Variants in EFTUD2 observed in about 807,000 individuals in gnomAD.
The protein encoded by EFTUD2 is 116 kDa U5 small nuclear ribonucleoprotein component.
EFTUD2 carries 9 observed loss-of-function variants against 114.3 expected under a neutral mutation model. The observed-to-expected ratio is 0.08, with a 90% CI of 0.05 to 0.14. The LOEUF (loss-of-function observed/expected upper bound fraction) is 0.14. EFTUD2 is among the 10% of genes least tolerant of loss of function. The probability of loss-of-function intolerance (pLI) is 1.00; values close to 1 mark genes in which losing one functional copy is unlikely to be tolerated. For missense variants in EFTUD2, 765 were observed against 1,241.2 expected, an observed-to-expected ratio of 0.62 and a Z score of 5.76; for synonymous variants, 449 against 462.3, an observed-to-expected ratio of 0.97 and a Z score of 0.37.
Position 44,852,293 on chromosome 17 carries a change from A to T in EFTUD2, c.2715+116T>A. Reference sequence around the variant, plus strand: ...CTGAATATATGCTCCCCAGAGGAGGACTCTTCTCCAGGATGCTGTACACCT... The same window carrying T: ...CTGAATATATGCTCCCCAGAGGAGGTCTCTTCTCCAGGATGCTGTACACCT... On this transcript the variant is annotated intron_variant, in intron 26 of 27. Transcript: ENST00000426333. The T allele has an allele frequency of 7.7e-6, 10 of 1,294,224 alleles. No homozygotes were observed. The South Asian group carries it at 1.5e-4, about 19-fold the overall frequency. The allele number at this position is 1,294,224 out of a possible 1,614,324, so 80.2% of individuals were successfully genotyped here.
chr17:44,885,516 G>A (rs1369392573), intron 3 of EFTUD2, among the ~76,000 whole-genome samples, 182 bp from the exon 4 acceptor site: 1 of 151,756 alleles, frequency 6.6e-6, no homozygotes, highest in Non-Finnish European at 1.5e-5. Flanking sequence ...GACAGTGAAG[G>A]ACCTTGAATT....
intron 11 of EFTUD2, 107 bp downstream of exon 11, chr17:44,872,339 T>A (rs2050870163): frequency 1.4e-6 from 2 of 1,444,188 alleles, no homozygotes; most frequent in Admixed American, 3.6e-5. Flanking sequence ...TGATAAAATG[T>A]TCCCCCAGCA....
chr17:44,886,607 C>T lies in EFTUD2; in HGVS notation c.249G>A (p.Glu83=). Residue 83 remains glutamate (E), a synonymous_variant, in exon 3 of 28, where the codon GAG becomes GAA. Transcript: ENST00000426333. The part of the protein sequence containing the change: ...YGPEVETIVQ[E]EDTQPLTEPI... ...TACCTGTGAGAGGCTGAGTGTCTTC[C>T]TCTTGAACTATGGTCTCCACCTCAG... 3 of 1,614,160 alleles carry T rather than the reference C, an allele frequency of 1.9e-6. No individual in the cohort carries two copies. Among genetic ancestry groups the T allele is most frequent in the Non-Finnish European group, 2.5e-6 (3 of 1,180,026 alleles).
chr17:44,871,587 C>T (rs1274839335), intron 11 of EFTUD2, among the ~76,000 whole-genome samples: 3 of 152,140 alleles, frequency 2.0e-5, no homozygotes, highest in Non-Finnish European at 4.4e-5. Context: ...GATCTGCCTG[C>T]CTCAGCCTCC....
In EFTUD2 at chr17:44,850,347, T is replaced by C. The variant is rs764504782; in HGVS notation, c.*927A>G. On this transcript the variant is annotated 3_prime_UTR_variant, in exon 28 of 28. Transcript: ENST00000426333. ...TCTCACACAGGTGCTGTGTACACAA[T>C]GTACAGCGATTACGTCAAGAGGATG... 3.4e-5 allele frequency: 55 copies of C among 1,613,048 alleles called. No individual in the cohort carries two copies. In the East Asian group the frequency reaches 4.5e-4, roughly 13 times the overall value.
chr17:44,890,095 C>T (rs892822714), intron 2 of EFTUD2, among the ~76,000 whole-genome samples: 2 of 152,150 alleles, frequency 1.3e-5, no homozygotes, highest in African/African-American at 4.8e-5. Flanking sequence ...GCAACCTCTG[C>T]CTCCTGGGTT....
At chr17:44,871,508 T>C (rs540113752) in intron 11 of EFTUD2, among the ~76,000 whole-genome samples, 1 of 151,660 alleles carries the variant, frequency 6.6e-6, no homozygotes, top group Non-Finnish European at 1.5e-5. Flanking sequence ...CTGGCTAATT[T>C]TTTTGCATTT....
rs376032149 is a variant in EFTUD2, at chr17:44,864,276, G to A, written c.1286-494C>T. Among the ~76,000 whole-genome samples, 24 of 152,254 alleles carry A rather than the reference G, an allele frequency of 1.6e-4. No homozygotes were observed. In the East Asian group the frequency reaches 4.6e-3, roughly 29 times the overall value. On this transcript the variant is annotated intron_variant, in intron 14 of 27. Transcript: ENST00000426333. ...GCCTGTGTGCCTTCAATGGTATCTG[G>A]TGTGTCAGATTGATGGGCAGACCAA...
intron 13 of EFTUD2, among the ~76,000 whole-genome samples, chr17:44,866,879 G>A (rs537808700): frequency 2.0e-5 from 3 of 152,298 alleles, no homozygotes; most frequent in African/African-American, 4.8e-5. Context: ...CAAGGCAGGA[G>A]GATCACTTGA....
At chr17:44,881,532 A>G (rs530499076) in intron 7 of EFTUD2, among the ~76,000 whole-genome samples, 155 bp downstream of exon 7, 1 of 152,356 alleles carries the variant, frequency 6.6e-6, no homozygotes, top group Non-Finnish European at 1.5e-5. Flanking sequence ...ACCCTGGAGT[A>G]ACTGGGGGAA....
intron 2 of EFTUD2, among the ~76,000 whole-genome samples, chr17:44,889,150 C>T (rs753982294): frequency 6.6e-6 from 1 of 152,054 alleles, no homozygotes; most frequent in Non-Finnish European, 1.5e-5. Flanking sequence ...AGGGAATGAT[C>T]GGCTGGGACA....
At chr17:44,851,664 A>G in intron 27 of EFTUD2, 46 bp downstream of exon 27, 1 of 1,489,980 alleles carries the variant, frequency 6.7e-7, no homozygotes, top group Non-Finnish European at 9.0e-7. Context: ...TGCTTCTGAG[A>G]GTCCTGGGGG....
intron 26 of EFTUD2, 122 bp from the exon 27 acceptor site, chr17:44,851,939 T>A (rs758375004): frequency 2.2e-6 from 2 of 920,398 alleles, no homozygotes; most frequent in Non-Finnish European, 3.1e-6. Context: ...TTTTTTGAGA[T>A]GGAGTTTCGC....
intron 16 of EFTUD2, 126 bp from the exon 17 acceptor site, chr17:44,860,669 GC>G: frequency 1.6e-6 from 1 of 631,172 alleles, no homozygotes; most frequent in Admixed American, 2.8e-5. Context: ...CACAATCTTG[GC>G]TCACTGCAGC....
At chr17:44,889,806 A>G (rs998569121) in intron 2 of EFTUD2, among the ~76,000 whole-genome samples, 12 of 152,122 alleles carry the variant, frequency 7.9e-5, no homozygotes, top group Non-Finnish European at 1.3e-4. Context: ...CATATATCCT[A>G]CTGGTGGTGG....
chr17:44,852,353 G>T, intron 26 of EFTUD2, 56 bp downstream of exon 26: 1 of 1,606,776 alleles, frequency 6.2e-7, no homozygotes. Flanking sequence ...GGACAGAAGG[G>T]GATGAGGCTT....
intron 2 of EFTUD2, chr17:44,891,755 A>G (rs1236746627): frequency 6.6e-6 from 1 of 152,200 alleles, no homozygotes; most frequent in East Asian, 1.9e-4. Context: ...TTTTTAGTAT[A>G]TTCACAGAAT....
In EFTUD2 at chr17:44,877,317, C is replaced by T. The variant is rs116352652; in HGVS notation, c.703-1217G>A. Among the ~76,000 whole-genome samples the T allele has an allele frequency of 1.4e-3, 219 of 152,160 alleles. 1 individual carries two copies. The highest frequency in any genetic ancestry group is 4.4e-3 in the African/African-American group (182 of 41,490). ...TGAAAGTAAGGAAGTGCTCAAAAAA[C>T]GATGAGGCGTGAAAAAGATGATGGA... On this transcript the variant is annotated intron_variant, in intron 9 of 27. Coordinates refer to ENST00000426333, the MANE Select transcript of EFTUD2 (RefSeq NM_004247.4).
At chr17:44,874,637 G>A (rs984925482) in intron 10 of EFTUD2, among the ~76,000 whole-genome samples, 10 of 152,300 alleles carry the variant, frequency 6.6e-5, no homozygotes, top group East Asian at 1.9e-4. Flanking sequence ...TCAGCCTGTA[G>A]TAAGACTGTC....
Sources: allele counts gnomAD v4.1 joint callset (sites outside exome capture counted in the v4.1 genomes callset), GRCh38; gene constraint gnomAD v4.1.1; transcripts MANE v1.5; gene names NCBI Gene and HGNC (gene_info 2026-07-23, HGNC 2026-07-21).